Variants in ATP5F1E observed in about 807,000 individuals in gnomAD.
ATP5F1E encodes the protein ATP synthase F1 subunit epsilon, also known as ATP synthase F(1) complex subunit epsilon, mitochondrial.
Under a neutral mutation model 7.0 loss-of-function variants are expected in ATP5F1E, and 5 were observed. The observed-to-expected ratio is 0.71, with a 90% CI of 0.37 to 1.49. ATP5F1E has a LOEUF of 1.49. ATP5F1E is among the 40% of genes most tolerant of loss of function. The pLI, the probability that ATP5F1E is intolerant of heterozygous loss-of-function variation, is 0.03. For synonymous variants in ATP5F1E, 20 were observed against 20.1 expected (o/e 0.99, Z 0.02); for missense variants, 59 against 57.1 (o/e 1.03, Z -0.11).
Position 59,027,756 on chromosome 20 carries a change from C to T in ATP5F1E, c.*1089G>A, listed in dbSNP as rs1046317044. On this transcript the variant is annotated 3_prime_UTR_variant, in exon 3 of 3. Coordinates refer to ENST00000243997, the MANE Select transcript of ATP5F1E (RefSeq NM_006886.4). ...TCAATTGGCTCTGCCTCCCTGCTCG[C>T]TCTGTGCTGAGAATTCAGTAAAACC... is the stretch of plus-strand genomic sequence containing the variant. 1 of 152,228 alleles carries T rather than the reference C, an allele frequency of 6.6e-6. No individual in the cohort carries two copies. The highest frequency in any genetic ancestry group is 2.4e-5 in the African/African-American group (1 of 41,444). 9.4% of individuals were successfully genotyped at this position (152,228 alleles called of 1,614,324 possible).
At chr20:59,031,618 T>G (rs1165602190) in intron 1 of ATP5F1E, among the ~76,000 whole-genome samples, 1 of 152,230 alleles carries the variant, frequency 6.6e-6, no homozygotes, top group Non-Finnish European at 1.5e-5. Context: ...AGACACCATG[T>G]CCTCAAGTGG....
At chr20:59,030,122 C>A in intron 2 of ATP5F1E, 181 bp downstream of exon 2, 1 of 655,924 alleles carries the variant, frequency 1.5e-6, no homozygotes, top group Admixed American at 3.2e-5. Flanking sequence ...AGAAGACTTT[C>A]TTTTTATTAG....
intron 1 of ATP5F1E, among the ~76,000 whole-genome samples, chr20:59,031,051 T>C (rs931249350): frequency 1.3e-5 from 2 of 152,222 alleles, no homozygotes; most frequent in Admixed American, 6.5e-5. Flanking sequence ...GTTTGGTAGA[T>C]GGACTCCCAT....
chr20:59,031,528 G>C (rs987000931), intron 1 of ATP5F1E, among the ~76,000 whole-genome samples: 8 of 152,290 alleles, frequency 5.3e-5, no homozygotes, highest in African/African-American at 1.4e-4. Context: ...CCTAGAGCAA[G>C]GTACTTCTGC....
intron 1 of ATP5F1E, 133 bp downstream of exon 1, chr20:59,032,070 ACAGCGACGCCATCTTGG>A: frequency 8.9e-7 from 1 of 1,129,216 alleles, no homozygotes; most frequent in Non-Finnish European, 1.3e-6. Flanking sequence ...CGCTTTGCCC[ACAGCGACGCCATCTTGG>A]CGGCGACGCC....
chr20:59,026,790 T>G lies in ATP5F1E; in HGVS notation c.*2055A>C, dbSNP rs1398099626. On this transcript the variant is annotated 3_prime_UTR_variant, in exon 3 of 3. Coordinates refer to ENST00000243997, the MANE Select transcript of ATP5F1E (RefSeq NM_006886.4). Reference sequence around the variant, plus strand: ...CTGTCCCTTTTGATTTTGAAGAGCTTATCCTTTAGCAGTACGGTTGCTCCA... The same window carrying G: ...CTGTCCCTTTTGATTTTGAAGAGCTGATCCTTTAGCAGTACGGTTGCTCCA... 2 of 152,242 alleles carry G rather than the reference T, an allele frequency of 1.3e-5. No individual in the cohort carries two copies. Among genetic ancestry groups the G allele is most frequent in the Admixed American group, 1.3e-4 (2 of 15,286 alleles). 9.4% of individuals were successfully genotyped at this position (152,242 alleles called of 1,614,324 possible).
chr20:59,030,165 A>G (rs2092016798), intron 2 of ATP5F1E, 138 bp downstream of exon 2: 12 of 1,184,918 alleles, frequency 1.0e-5, no homozygotes, highest in African/African-American at 3.1e-5. Context: ...CATGCTTTAA[A>G]TTATACCATC....
At position 59,028,156 on chromosome 20, in the gene ATP5F1E, ACTC is replaced by A. The variant is rs1354781161; in HGVS notation, c.*686_*688del. 6.6e-6 allele frequency: 1 copy of A among 152,152 alleles called. No homozygotes were observed. The highest frequency in any genetic ancestry group is 1.9e-4 in the East Asian group (1 of 5,200). The allele number at this position is 152,152 out of a possible 1,614,324, so 9.4% of individuals were successfully genotyped here. ...ACCGTGTCCCAGACTTGCAGTCAAA[ACTC>A]CTAGGTTTTAATTTCAGTTTGGCCA... is the stretch of plus-strand genomic sequence containing the variant. On this transcript the variant is annotated 3_prime_UTR_variant, in exon 3 of 3. Transcript: ENST00000243997.
Position 59,027,736 on chromosome 20 carries a change from T to C in ATP5F1E, c.*1109A>G, listed in dbSNP as rs151337. ...CCAGAGGCACCCTCTTCCACTCAAT[T>C]GGCTCTGCCTCCCTGCTCGCTCTGT... On this transcript the variant is annotated 3_prime_UTR_variant, in exon 3 of 3. Transcript: ENST00000243997. 103,986 of 152,048 alleles carry C rather than the reference T, an allele frequency of 0.68. 35,898 individuals carry two copies. The highest frequency in any genetic ancestry group is 0.89 in the East Asian group (4,620 of 5,168). The allele number at this position is 152,048 out of a possible 1,614,324, so 9.4% of individuals were successfully genotyped here.
In ATP5F1E at chr20:59,026,994, C is replaced by A. The variant is rs2091998211; in HGVS notation, c.*1851G>T. The A allele has an allele frequency of 6.6e-6, 1 of 152,232 alleles. No homozygotes were observed. Among genetic ancestry groups the A allele is most frequent in the Non-Finnish European group, 1.5e-5 (1 of 68,038 alleles). The allele number at this position is 152,232 out of a possible 1,614,324, so 9.4% of individuals were successfully genotyped here. On this transcript the variant is annotated 3_prime_UTR_variant, in exon 3 of 3. Transcript: ENST00000243997. Reference sequence around the variant, plus strand: ...ACTGGGGTCACCTCATCACTGGGCACAGTCATCCTGCCAGCTACCCAGCAC... The same window carrying A: ...ACTGGGGTCACCTCATCACTGGGCAAAGTCATCCTGCCAGCTACCCAGCAC...
At chr20:59,030,868 A>C (rs142174787) in intron 1 of ATP5F1E, among the ~76,000 whole-genome samples, 1 of 152,346 alleles carries the variant, frequency 6.6e-6, no homozygotes, top group African/African-American at 2.4e-5. Context: ...AGAGAAAACT[A>C]TTTTGAATTA....
At chr20:59,029,722 A>T (rs1013939478) in intron 2 of ATP5F1E, 1 of 161,346 alleles carries the variant, frequency 6.2e-6, no homozygotes, top group Admixed American at 6.0e-5. Context: ...CATCACCAAC[A>T]TCTTTGGAAA....
chr20:59,032,259 C>A lies in ATP5F1E; in HGVS notation c.-8G>T, dbSNP rs1358685229. 3 of 1,601,144 alleles carry A rather than the reference C, an allele frequency of 1.9e-6. No individual in the cohort carries two copies. In the Admixed American group the frequency reaches 5.1e-5, roughly 27 times the overall value. The stretch of plus-strand genomic sequence containing the variant: ...TCTCCAGTAGGCCACCATGCTGTAG[C>A]GAAAGCGGAGCTCGTCGGGCCGAAT... On this transcript the variant is annotated 5_prime_UTR_variant, in exon 1 of 3. Transcript: ENST00000243997.
At chr20:59,030,552 T>C (rs930946146) in intron 1 of ATP5F1E, 123 bp from the exon 2 acceptor site, 16 of 1,291,676 alleles carry the variant, frequency 1.2e-5, no homozygotes, top group Non-Finnish European at 1.8e-5. Flanking sequence ...TATTGTAGAA[T>C]TGGATTTAAA....
intron 1 of ATP5F1E, 89 bp downstream of exon 1, chr20:59,032,121 ACGCGTGGGGC>A: frequency 6.7e-7 from 1 of 1,494,514 alleles, no homozygotes; most frequent in East Asian, 2.5e-5. Flanking sequence ...AACCCCGGTC[ACGCGTGGGGC>A]CGCTGCTCTG....
chr20:59,029,308 C>T (rs933437021), intron 2 of ATP5F1E: 6 of 152,158 alleles, frequency 3.9e-5, no homozygotes, highest in African/African-American at 1.4e-4. Flanking sequence ...AAAACCAGGT[C>T]TCATTACTCA....
In ATP5F1E at chr20:59,032,273, G is replaced by C. The variant is rs756521270; in HGVS notation, c.-22C>G. The C allele has an allele frequency of 1.3e-4, 215 of 1,597,726 alleles. No homozygotes were observed. Among genetic ancestry groups the C allele is most frequent in the Non-Finnish European group, 1.5e-4 (176 of 1,172,662 alleles). ...CCATGCTGTAGCGAAAGCGGAGCTC[G>C]TCGGGCCGAATCGCCAAGACGCCGG... On this transcript the variant is annotated 5_prime_UTR_variant, in exon 1 of 3. Transcript: ENST00000243997.
At chr20:59,029,713 A>G (rs1259640740) in intron 2 of ATP5F1E, 1 of 160,606 alleles carries the variant, frequency 6.2e-6, no homozygotes, top group Non-Finnish European at 1.4e-5. Context: ...TTAACTTTAC[A>G]TCACCAACAT....
Position 59,027,791 on chromosome 20 carries a change from A to T in ATP5F1E, c.*1054T>A, listed in dbSNP as rs1213146817. On this transcript the variant is annotated 3_prime_UTR_variant, in exon 3 of 3. Coordinates refer to ENST00000243997, the MANE Select transcript of ATP5F1E (RefSeq NM_006886.4). ...AGAATTCAGTAAAACCTACAGGTCAAGTGTCGGGACAATAAGTCATTCCCA... is the reference window on the plus strand; with the variant it reads ...AGAATTCAGTAAAACCTACAGGTCATGTGTCGGGACAATAAGTCATTCCCA... 1 of 152,224 alleles carries T rather than the reference A, an allele frequency of 6.6e-6. No individual in the cohort carries two copies. Among genetic ancestry groups the T allele is most frequent in the African/African-American group, 2.4e-5 (1 of 41,448 alleles). The allele number at this position is 152,224 out of a possible 1,614,324, so 9.4% of individuals were successfully genotyped here. A position where few individuals can be genotyped will look rare whatever the true frequency, so the allele number is the denominator to read the frequency against.
Sources: allele counts gnomAD v4.1 joint callset (sites outside exome capture counted in the v4.1 genomes callset), GRCh38; gene constraint gnomAD v4.1.1; transcripts MANE v1.5; gene names NCBI Gene and HGNC (gene_info 2026-07-23, HGNC 2026-07-21).